The following PTPRE variants were observed in gnomAD, a reference collection of about 807,000 sequenced individuals.
PTPRE encodes the protein receptor-type tyrosine-protein phosphatase epsilon.
PTPRE carries 51 observed loss-of-function variants against 102.0 expected under a neutral mutation model. That is an observed-to-expected ratio of 0.50 (90% CI 0.40 to 0.63). The LOEUF (loss-of-function observed/expected upper bound fraction) is 0.63, where lower values mean the gene tolerates loss of function less well. Ranked by LOEUF, PTPRE falls within the 30% of genes least tolerant of loss-of-function variation. PTPRE has a pLI of 0.00. For synonymous variants in PTPRE, 345 were observed against 348.2 expected (o/e 0.99, Z 0.10); for missense variants, 752 against 915.1 (o/e 0.82, Z 2.30).
intron 2 of PTPRE, among the ~76,000 whole-genome samples, chr10:128,021,068 T>G (rs1845838885): frequency 1.3e-5 from 2 of 151,974 alleles, no homozygotes; most frequent in Admixed American, 1.3e-4. Flanking sequence ...CTAATTTTTT[T>G]GTATTTTTAG....
intron 2 of PTPRE, among the ~76,000 whole-genome samples, chr10:127,982,908 T>C (rs1851757077): frequency 1.3e-5 from 2 of 152,250 alleles, no homozygotes; most frequent in African/African-American, 4.8e-5. Context: ...ATCAATTTAA[T>C]GCTGTTAAAT....
intron 1 of PTPRE, chr10:127,929,631 C>G (rs927604049): frequency 6.6e-6 from 1 of 152,190 alleles, no homozygotes; most frequent in African/African-American, 2.4e-5. Flanking sequence ...CAGGCTGCAG[C>G]GGGTGGGTTC....
At position 128,011,544 on chromosome 10, in the gene PTPRE, G is replaced by C. The variant is rs1170993642; in HGVS notation, c.-8+29248G>C. ...TGGTCACCTCTGGCATAGCACCCGGGCTTCAAGCTTGGCGCATGCGCGGAA... is the reference window on the plus strand; with the variant it reads ...TGGTCACCTCTGGCATAGCACCCGGCCTTCAAGCTTGGCGCATGCGCGGAA... On this transcript the variant is annotated intron_variant, in intron 2 of 20. Transcript: ENST00000254667. Among the ~76,000 whole-genome samples, 2 of 152,222 alleles carry C rather than the reference G, an allele frequency of 1.3e-5. 1 individual carries two copies. Among genetic ancestry groups the C allele is most frequent in the Admixed American group, 1.3e-4 (2 of 15,284 alleles).
At chr10:127,990,049 A>G (rs1009631705) in intron 2 of PTPRE, among the ~76,000 whole-genome samples, 3 of 152,208 alleles carry the variant, frequency 2.0e-5, no homozygotes, top group African/African-American at 7.2e-5. Flanking sequence ...TAGAGAGCCA[A>G]TGTTTGAGTC....
intron 1 of PTPRE, among the ~76,000 whole-genome samples, chr10:127,969,591 T>C (rs1338431482): frequency 1.3e-5 from 2 of 150,094 alleles, no homozygotes; most frequent in African/African-American, 4.9e-5. Context: ...TTGCTTGAAC[T>C]TGGGAGGCAG....
At chr10:128,009,370 A>G (rs975064075) in intron 2 of PTPRE, among the ~76,000 whole-genome samples, 2 of 152,212 alleles carry the variant, frequency 1.3e-5, no homozygotes, top group Non-Finnish European at 2.9e-5. Context: ...ATGTTCTGTT[A>G]ATTCCTGAGA....
intron 1 of PTPRE, among the ~76,000 whole-genome samples, chr10:127,922,759 G>C (rs1054398705): frequency 6.6e-6 from 1 of 152,230 alleles, no homozygotes; most frequent in African/African-American, 2.4e-5. Flanking sequence ...AGGTGGGTGG[G>C]CTGAGAGCCC....
intron 1 of PTPRE, among the ~76,000 whole-genome samples, chr10:127,930,077 A>AAG (rs1847312304): frequency 6.6e-6 from 1 of 151,598 alleles, no homozygotes; most frequent in Non-Finnish European, 1.5e-5. Flanking sequence ...AAAAAAAAAA[A>AAG]AAAGAAAGAA....
intron 2 of PTPRE, among the ~76,000 whole-genome samples, chr10:127,993,563 G>A (rs1455763633): frequency 6.6e-6 from 1 of 152,118 alleles, no homozygotes; most frequent in Non-Finnish European, 1.5e-5. Flanking sequence ...CTGCGTTGCT[G>A]ATGGATATGT....
intron 1 of PTPRE, among the ~76,000 whole-genome samples, chr10:127,968,532 C>T (rs1398098995): frequency 6.6e-6 from 1 of 152,224 alleles, no homozygotes; most frequent in East Asian, 1.9e-4. Flanking sequence ...CCCCAGCCTC[C>T]ATTCTGCAGA....
chr10:128,072,156 T>C lies in PTPRE; in HGVS notation c.1406T>C (p.Ile469Thr). 6.2e-7 allele frequency: 1 copy of C among 1,613,934 alleles called. No individual in the cohort carries two copies. Among genetic ancestry groups the C allele is most frequent in the East Asian group, 2.2e-5 (1 of 44,874 alleles). ...QIIPYDFNRV[I>T]LSMKRGQEYT... is the part of the protein sequence containing the mutation. ...TTTGCAGATGACTTCAACCGAGTGA[T>C]CCTTTCCATGAAAAGGGGTCAAGAA... Residue 469 changes from isoleucine (I) to threonine (T), a missense_variant, in exon 16 of 21, where the codon ATC becomes ACC. Around this residue, in one of 2 missense-constraint regions of PTPRE, gnomAD observed 636 missense variants for 824.4 expected, o/e 0.77. Transcript: ENST00000254667.
chr10:127,924,541 T>C (rs1389199328), intron 1 of PTPRE, among the ~76,000 whole-genome samples: 2 of 152,228 alleles, frequency 1.3e-5, no homozygotes, highest in East Asian at 3.8e-4. Flanking sequence ...GTGAGCTGTT[T>C]TAAGACCACA....
chr10:127,983,018 G>A (rs1029691574), intron 2 of PTPRE, among the ~76,000 whole-genome samples: 12 of 152,144 alleles, frequency 7.9e-5, no homozygotes, highest in African/African-American at 1.2e-4. Context: ...TGCTTTTAGC[G>A]GGCACCATGA....
chr10:128,065,383 G>C (rs1003594253), intron 10 of PTPRE, among the ~76,000 whole-genome samples: 1 of 152,176 alleles, frequency 6.6e-6, no homozygotes, highest in Non-Finnish European at 1.5e-5. Context: ...CTCGCGAAGT[G>C]ATGGAGGACA....
rs368829820 is a variant in PTPRE, at chr10:128,068,114, C to G, written c.844-9C>G. 6.2e-7 allele frequency: 1 copy of G among 1,609,486 alleles called. No homozygotes were observed. The highest frequency in any genetic ancestry group is 1.3e-5 in the African/African-American group (1 of 74,950). On this transcript the variant is annotated splice_polypyrimidine_tract_variant and intron_variant, in intron 11 of 20. Transcript: ENST00000254667. ...TTCACCCACTCTTGTCTCCCCGCGT[C>G]CCCCGCAGCAGCTCCCCGACGGCTG... is the stretch of plus-strand genomic sequence containing the variant.
At chr10:127,986,308 G>A (rs1852087275) in intron 2 of PTPRE, among the ~76,000 whole-genome samples, 1 of 152,168 alleles carries the variant, frequency 6.6e-6, no homozygotes, top group Non-Finnish European at 1.5e-5. Flanking sequence ...TTGCAACTCT[G>A]TGGGTCTCTC....
chr10:128,015,272 C>T (rs192608380), intron 2 of PTPRE, among the ~76,000 whole-genome samples: 55 of 152,282 alleles, frequency 3.6e-4, no homozygotes, highest in African/African-American at 1.3e-3. Context: ...GGCCGGGCCT[C>T]GTGGCTCACG....
At chr10:128,029,569 C>T (rs747621973) in intron 2 of PTPRE, among the ~76,000 whole-genome samples, 9 of 152,188 alleles carry the variant, frequency 5.9e-5, no homozygotes, top group Non-Finnish European at 1.3e-4. Context: ...TCCCTGAGGG[C>T]GGTGCACTGC....
Position 128,049,524 on chromosome 10 carries a change from C to T in PTPRE, c.284-6C>T, listed in dbSNP as rs1848381926. On this transcript the variant is annotated splice_polypyrimidine_tract_variant and splice_region_variant and intron_variant, in intron 5 of 20. Transcript: ENST00000254667. ...AATGGCCCCCATGTTTCTTTTGATC[C>T]CACAGAGCAGCAAAGGGTGATGCTG... 1 of 1,613,404 alleles carries T rather than the reference C, an allele frequency of 6.2e-7. No individual in the cohort carries two copies. Among genetic ancestry groups the T allele is most frequent in the African/African-American group, 1.3e-5 (1 of 74,880 alleles).
Sources: gnomAD v4.1 joint callset for allele counts (sites outside exome capture counted in the v4.1 genomes callset) on GRCh38, gnomAD v4.1.1 for gene constraint, gnomAD v4.1.1 regional missense constraint, MANE v1.5 for transcripts, NCBI Gene and HGNC (gene_info 2026-07-23, HGNC 2026-07-21) for gene names.